Variants in CNTN4 observed in about 807,000 individuals in gnomAD.
CNTN4 encodes contactin-4.
In CNTN4, 77 loss-of-function variants were observed where a neutral mutation model predicts 122.5. The observed-to-expected ratio is 0.63, with a 90% CI of 0.52 to 0.76. The LOEUF is 0.76. Ranked by LOEUF, CNTN4 falls within the 30% of genes least tolerant of loss-of-function variation. The pLI is 0.00. For synonymous variants in CNTN4, 512 were observed against 447.0 expected, an observed-to-expected ratio of 1.15 and a Z score of -1.83; for missense variants, 1,256 against 1,259.1, an observed-to-expected ratio of 1.00 and a Z score of 0.04.
chr3:2,866,556 ACCTTATT>A, intron 7 of CNTN4, 189 bp from the exon 8 acceptor site: 1 of 1,244,180 alleles, frequency 8.0e-7, no homozygotes, highest in Non-Finnish European at 1.1e-6. Flanking sequence ...TGGAAATAAA[ACCTTATT>A]GACTGATAGT....
intron 5 of CNTN4, among the ~76,000 whole-genome samples, chr3:2,737,479 G>T (rs2089200470): frequency 6.6e-6 from 1 of 152,142 alleles, no homozygotes; most frequent in South Asian, 2.1e-4. Context: ...TTTTCGTAGT[G>T]CTGGGAATTA....
intron 10 of CNTN4, among the ~76,000 whole-genome samples, chr3:2,900,457 T>A (rs1488955884): frequency 3.3e-5 from 5 of 152,192 alleles, no homozygotes; most frequent in Non-Finnish European, 7.3e-5. Context: ...TTGGTAGTTT[T>A]ATCCATTTTG....
intron 2 of CNTN4, among the ~76,000 whole-genome samples, chr3:2,219,510 G>T (rs1044032936): frequency 2.6e-5 from 4 of 151,962 alleles, no homozygotes; most frequent in African/African-American, 7.2e-5. Context: ...TGTTTATTAT[G>T]TTGAGGCCCC....
chr3:2,486,491 G>A (rs917077470), intron 3 of CNTN4, among the ~76,000 whole-genome samples: 9 of 152,130 alleles, frequency 5.9e-5, no homozygotes, highest in Non-Finnish European at 1.0e-4. Flanking sequence ...GTGAAAAACA[G>A]TTGTTCACTA....
intron 2 of CNTN4, among the ~76,000 whole-genome samples, chr3:2,245,276 T>A (rs1575162225): frequency 6.6e-6 from 1 of 152,166 alleles, no homozygotes; most frequent in East Asian, 1.9e-4. Flanking sequence ...CCCTAATTCA[T>A]TTGAGATCTA....
intron 4 of CNTN4, among the ~76,000 whole-genome samples, chr3:2,655,545 T>C (rs1277931520): frequency 6.6e-6 from 1 of 152,198 alleles, no homozygotes; most frequent in Admixed American, 6.5e-5. Flanking sequence ...TTTCCTGCTC[T>C]GCCTGTATTC....
chr3:2,772,136 G>T (rs572983585), intron 6 of CNTN4, among the ~76,000 whole-genome samples: 1 of 152,094 alleles, frequency 6.6e-6, no homozygotes, highest in African/African-American at 2.4e-5. Flanking sequence ...GGTGGCTGAC[G>T]ATCTCAAAGG....
chr3:2,099,470 G>A (rs2031707301), intron 1 of CNTN4: 1 of 152,656 alleles, frequency 6.6e-6, no homozygotes, highest in Admixed American at 6.5e-5. Flanking sequence ...GCAGCAGAGG[G>A]ACGCGAACCT....
At chr3:2,156,004 C>T (rs1056049132) in intron 2 of CNTN4, among the ~76,000 whole-genome samples, 17 of 152,230 alleles carry the variant, frequency 1.1e-4, no homozygotes, top group Non-Finnish European at 1.9e-4. Flanking sequence ...GCTCGGGTTG[C>T]TTTTTCTCTT....
intron 2 of CNTN4, among the ~76,000 whole-genome samples, chr3:2,265,694 A>G (rs1307037707): frequency 6.6e-6 from 1 of 151,976 alleles, no homozygotes; most frequent in Non-Finnish European, 1.5e-5. Context: ...CTTCTAATTC[A>G]TGAACATGGG....
intron 6 of CNTN4, among the ~76,000 whole-genome samples, chr3:2,774,604 A>T (rs1210875279): frequency 2.0e-5 from 3 of 152,078 alleles, no homozygotes; most frequent in Non-Finnish European, 2.9e-5. Context: ...GTTTTGGAAA[A>T]CCTTCAAGAA....
chr3:2,385,179 T>A lies in CNTN4; in HGVS notation c.-89+45946T>A, dbSNP rs545955257. On this transcript the variant is annotated intron_variant, in intron 3 of 24. Coordinates refer to ENST00000418658, the MANE Select transcript of CNTN4 (RefSeq NM_175607.3). The surrounding 1 kb of genome is among the most constrained non-coding windows in gnomAD (Gnocchi z 4.0). ...TAATCCATAACTCATATCAACAAGG[T>A]TAATCCCAAACTCTTTTTAAAAATA... 2.0e-5 allele frequency among the ~76,000 whole-genome samples: 3 copies of A among 152,326 alleles called. No individual in the cohort carries two copies. Among genetic ancestry groups the A allele is most frequent in the East Asian group, 3.9e-4 (2 of 5,182 alleles).
intron 3 of CNTN4, among the ~76,000 whole-genome samples, chr3:2,340,717 A>AGAGAGAGAGAGAGAGAGGGG (rs1575414314): frequency 1.5e-5 from 2 of 132,510 alleles, no homozygotes; most frequent in Admixed American, 7.9e-5. Context: ...ATATAGAGAG[A>AGAGAGAGAGAGAGAGAGGGG]GAGAGAGAGA....
At chr3:3,045,032 C>T (rs571552545) in intron 23 of CNTN4, among the ~76,000 whole-genome samples, 43 of 152,336 alleles carry the variant, frequency 2.8e-4, no homozygotes, top group Non-Finnish European at 4.7e-4. Context: ...CAGAGCCTTG[C>T]TCGTTGCTAG....
At chr3:2,360,776 C>T (rs2045100963) in intron 3 of CNTN4, among the ~76,000 whole-genome samples, 1 of 152,124 alleles carries the variant, frequency 6.6e-6, no homozygotes, top group African/African-American at 2.4e-5. Context: ...GGGAAAACCA[C>T]CCCCATGATT....
chr3:3,034,270 ACTGT>A (rs1259792687), intron 16 of CNTN4, among the ~76,000 whole-genome samples: 1 of 152,198 alleles, frequency 6.6e-6, no homozygotes, highest in Non-Finnish European at 1.5e-5. Flanking sequence ...CTCAAATAAC[ACTGT>A]CTGACCCATA....
At chr3:2,762,069 G>C (rs2090615648) in intron 6 of CNTN4, among the ~76,000 whole-genome samples, 1 of 152,170 alleles carries the variant, frequency 6.6e-6, no homozygotes, top group South Asian at 2.1e-4. Flanking sequence ...TCTACATCCA[G>C]TAGGGAAGAC....
intron 6 of CNTN4, among the ~76,000 whole-genome samples, chr3:2,810,493 C>T (rs1559528350): frequency 6.6e-6 from 1 of 152,100 alleles, no homozygotes; most frequent in Non-Finnish European, 1.5e-5. Flanking sequence ...TCCAATTTTG[C>T]TAAATAGAGG....
intron 23 of CNTN4, among the ~76,000 whole-genome samples, chr3:3,049,061 C>T (rs1349650812): frequency 6.6e-6 from 1 of 152,120 alleles, no homozygotes; most frequent in Non-Finnish European, 1.5e-5. Flanking sequence ...AAGCACTGTT[C>T]CAATTCATCT....
Sources: allele counts gnomAD v4.1 joint callset (sites outside exome capture counted in the v4.1 genomes callset), GRCh38; gene constraint gnomAD v4.1.1; non-coding constraint Gnocchi (gnomAD v3.1); transcripts MANE v1.5; gene names NCBI Gene and HGNC (gene_info 2026-07-23, HGNC 2026-07-21).